CFAP74: variants seen among roughly 807,000 people sequenced by gnomAD.
The protein encoded by CFAP74 is cilia and flagella associated protein 74, also known as cilia- and flagella-associated protein 74.
CFAP74 carries 124 observed loss-of-function variants against 188.9 expected under a neutral mutation model. The ratio of observed to expected loss-of-function variants is 0.66; its 90% CI spans 0.57 to 0.76. CFAP74 has a LOEUF of 0.76. Ranked by LOEUF, CFAP74 falls within the 30% of genes least tolerant of loss-of-function variation. CFAP74 has a pLI of 0.00. For missense variants in CFAP74, 2,198 were observed against 2,165.2 expected (o/e 1.02, Z -0.30); for synonymous variants, 956 against 916.7 (o/e 1.04, Z -0.77).
chr1:1,946,467 T>A (rs1355353913), intron 19 of CFAP74, 28 bp from the exon 20 acceptor site: 7 of 1,512,554 alleles, frequency 4.6e-6, no homozygotes, highest in Non-Finnish European at 6.2e-6. Context: ...CCATGGGGTC[T>A]GCCAGGCTTC....
rs561507226 is a variant in CFAP74, at chr1:1,971,974, G to A, written c.888+6C>T. ...GGAGAGGCTGGGTGGGGCTGCGGGG[G>A]CCTACCCGGTTCGCGGAGATGCTGC... On this transcript the variant is annotated splice_donor_region_variant and intron_variant, in intron 9 of 38. Coordinates refer to ENST00000682832, the MANE Select transcript of CFAP74 (RefSeq NM_001304360.2). The A allele has an allele frequency of 3.9e-4, 623 of 1,604,684 alleles. 2 individuals are homozygous for A. The highest frequency in any genetic ancestry group is 1.5e-4 in the Non-Finnish European group (182 of 1,177,286).
chr1:2,002,792 A>C (rs1658270910), intron 1 of CFAP74, among the ~76,000 whole-genome samples: 2 of 150,224 alleles, frequency 1.3e-5, no homozygotes, highest in Non-Finnish European at 3.0e-5. Context: ...TATATTGTTT[A>C]TATAACACCA....
At chr1:1,950,405 T>G (rs989682131) in intron 18 of CFAP74, among the ~76,000 whole-genome samples, 3 of 151,300 alleles carry the variant, frequency 2.0e-5, no homozygotes, top group African/African-American at 7.3e-5. Flanking sequence ...AATGGTGCAG[T>G]CTCAGCTCAC....
intron 20 of CFAP74, 78 bp downstream of exon 20, chr1:1,946,239 G>A (rs1163007994): frequency 6.9e-7 from 1 of 1,452,118 alleles, no homozygotes; most frequent in Non-Finnish European, 9.1e-7. Flanking sequence ...GCGACCTTGT[G>A]GCCAAGGGCA....
At chr1:1,924,074 C>T in intron 34 of CFAP74, 145 bp from the exon 35 acceptor site, 1 of 692,224 alleles carries the variant, frequency 1.4e-6, no homozygotes, top group South Asian at 2.0e-5. Context: ...CCTTGCGCCC[C>T]CCACTCCTCC....
At chr1:1,955,872 C>T in intron 17 of CFAP74, 22 bp from the exon 18 acceptor site, 1 of 1,597,366 alleles carries the variant, frequency 6.3e-7, no homozygotes, top group Non-Finnish European at 8.5e-7. Flanking sequence ...AATCAACATC[C>T]TGGCTTGGGA....
rs748901697 is a variant in CFAP74, at chr1:1,963,878, C to T, written c.1576-11G>A. The stretch of plus-strand genomic sequence containing the variant: ...GCCAATATCAAAGTCCTGGGAAAGG[C>T]CGAGGTAGCAGCTTCAGAGCGGGTC... On this transcript the variant is annotated splice_polypyrimidine_tract_variant and intron_variant, in intron 13 of 38. Coordinates refer to ENST00000682832, the MANE Select transcript of CFAP74 (RefSeq NM_001304360.2). The T allele has an allele frequency of 6.4e-7, 1 of 1,572,476 alleles. No individual in the cohort carries two copies. The highest frequency in any genetic ancestry group is 8.8e-7 in the Non-Finnish European group (1 of 1,142,516).
intron 1 of CFAP74, among the ~76,000 whole-genome samples, chr1:1,996,432 G>A (rs908847571): frequency 3.9e-5 from 6 of 152,190 alleles, no homozygotes; most frequent in Non-Finnish European, 7.3e-5. Flanking sequence ...GAACGGCAGT[G>A]GGGACACATT....
intron 1 of CFAP74, among the ~76,000 whole-genome samples, chr1:2,002,995 G>A (rs920435856): frequency 1.3e-5 from 2 of 151,784 alleles, no homozygotes; most frequent in Non-Finnish European, 2.9e-5. Context: ...GTTTAGGGAC[G>A]CATGCATAGG....
intron 21 of CFAP74, 114 bp downstream of exon 21, chr1:1,944,217 G>T: frequency 6.9e-7 from 1 of 1,456,006 alleles, no homozygotes; most frequent in South Asian, 1.4e-5. Context: ...CCCCGTGTGC[G>T]TGGGTCACCC....
chr1:1,974,031 C>T lies in CFAP74; in HGVS notation c.668G>A (p.Arg223Lys). The change falls in exon 7 of 39, where the codon AGG (arginine) becomes AAG (lysine). Residue 223 changes from arginine (R) to lysine (K), a missense_variant. Physicochemically the swap from Arg to Lys is conservative, Grantham distance 26. Coordinates refer to ENST00000682832, the MANE Select transcript of CFAP74 (RefSeq NM_001304360.2). ...LGKVERNRLL[R>K]IRKSLNTQKE... ...GGGCCTGGGTGTCGCCTACCTGATC[C>T]TCAGCAGTCGGTTCCGCTCCACCTT... 1.3e-6 allele frequency: 2 copies of T among 1,573,306 alleles called. No individual in the cohort carries two copies. The highest frequency in any genetic ancestry group is 1.1e-5 in the South Asian group (1 of 87,344).
At chr1:1,940,664 C>A (rs1194860681) in intron 22 of CFAP74, among the ~76,000 whole-genome samples, 1 of 152,164 alleles carries the variant, frequency 6.6e-6, no homozygotes, top group African/African-American at 2.4e-5. Context: ...GGCTCAAAAG[C>A]TGTGTTTAAA....
intron 2 of CFAP74, among the ~76,000 whole-genome samples, chr1:1,989,586 G>A (rs539809351): frequency 3.8e-4 from 58 of 152,222 alleles, no homozygotes; most frequent in African/African-American, 3.9e-4. Flanking sequence ...TCAGCCTCCC[G>A]AGTAGCTGAG....
intron 16 of CFAP74, among the ~76,000 whole-genome samples, chr1:1,957,601 A>G (rs984122189): frequency 1.3e-5 from 2 of 152,190 alleles, no homozygotes; most frequent in African/African-American, 4.8e-5. Context: ...AGCACTTGAC[A>G]CTGCAAAGAC....
intron 33 of CFAP74, among the ~76,000 whole-genome samples, chr1:1,925,092 ACT>A (rs1651759919): frequency 6.9e-6 from 1 of 144,406 alleles, no homozygotes; most frequent in African/African-American, 2.6e-5. Flanking sequence ...GAGGGCACAC[ACT>A]GGTGCGAAGG....
chr1:1,953,556 C>G (rs1025784894), intron 18 of CFAP74: 1 of 153,552 alleles, frequency 6.5e-6, no homozygotes, highest in Non-Finnish European at 1.5e-5. Context: ...CTCGGCCTCC[C>G]AAAGTTCTGG....
chr1:1,947,592 G>C (rs1007094277), intron 18 of CFAP74, among the ~76,000 whole-genome samples: 1 of 152,228 alleles, frequency 6.6e-6, no homozygotes, highest in Admixed American at 6.5e-5. Flanking sequence ...TTGCAAGTCT[G>C]AGCAGGACTT....
intron 9 of CFAP74, among the ~76,000 whole-genome samples, 160 bp from the exon 10 acceptor site, chr1:1,970,976 C>A (rs886325592): frequency 1.3e-4 from 20 of 150,724 alleles, no homozygotes; most frequent in Non-Finnish European, 3.0e-4. Flanking sequence ...ACATGCACAC[C>A]TGCACACACG....
chr1:1,979,711 T>C lies in CFAP74; in HGVS notation c.501-5513A>G, dbSNP rs1447734967. On this transcript the variant is annotated intron_variant, in intron 6 of 38. Coordinates refer to ENST00000682832, the MANE Select transcript of CFAP74 (RefSeq NM_001304360.2). Reference sequence around the variant, plus strand: ...GACGAGGCTGCGCAGAACACGCATGTCATGCTGAGCTGGGTGTGGGAAGGC... The same window carrying C: ...GACGAGGCTGCGCAGAACACGCATGCCATGCTGAGCTGGGTGTGGGAAGGC... Among the ~76,000 whole-genome samples the C allele has an allele frequency of 4.0e-5, 5 of 124,718 alleles. 2 individuals are homozygous for C. The highest frequency in any genetic ancestry group is 8.8e-5 in the Non-Finnish European group (5 of 56,936). The allele number at this position is 124,718 out of a possible 152,430, so 81.8% of individuals were successfully genotyped here. A position where few individuals can be genotyped will look rare whatever the true frequency, so the allele number is the denominator to read the frequency against.
Sources: allele counts gnomAD v4.1 joint callset (sites outside exome capture counted in the v4.1 genomes callset), GRCh38; gene constraint gnomAD v4.1.1; transcripts MANE v1.5; gene names NCBI Gene and HGNC (gene_info 2026-07-23, HGNC 2026-07-21).